Variants in SNX13 observed in about 807,000 individuals in gnomAD.
SNX13 encodes sorting nexin-13.
In SNX13, 45 loss-of-function variants were observed where a neutral mutation model predicts 133.6. That is an observed-to-expected ratio of 0.34 (90% confidence interval 0.27 to 0.43). The LOEUF is 0.43. Ranked by LOEUF, SNX13 falls within the 20% of genes least tolerant of loss-of-function variation. The pLI is 1.00. For synonymous variants in SNX13, 414 were observed against 373.9 expected (o/e 1.11, Z -1.24); for missense variants, 1,032 against 1,145.1 (o/e 0.90, Z 1.43).
At chr7:17,839,386 T>C (rs941141987) in intron 13 of SNX13, among the ~76,000 whole-genome samples, 2 of 151,806 alleles carry the variant, frequency 1.3e-5, no homozygotes, top group African/African-American at 4.8e-5. Context: ...ATTGTCTCTC[T>C]TACCCTTCAA....
chr7:17,927,735 G>C (rs1004932602), intron 1 of SNX13, among the ~76,000 whole-genome samples: 1 of 152,124 alleles, frequency 6.6e-6, no homozygotes, highest in Non-Finnish European at 1.5e-5. Context: ...TGGGCCACAT[G>C]ATAGTACTTA....
chr7:17,879,986 G>A (rs1230032950), intron 5 of SNX13: 1 of 152,182 alleles, frequency 6.6e-6, no homozygotes, highest in Non-Finnish European at 1.5e-5. Flanking sequence ...TAAAAAACTG[G>A]TAATTGGGCA....
chr7:17,928,120 T>G (rs995333349), intron 1 of SNX13, among the ~76,000 whole-genome samples: 1 of 152,194 alleles, frequency 6.6e-6, no homozygotes, highest in African/African-American at 2.4e-5. Context: ...GAAAGCTAGA[T>G]CCTCAATGCA....
chr7:17,899,356 G>A (rs928581071), intron 1 of SNX13: 2 of 151,910 alleles, frequency 1.3e-5, no homozygotes, highest in South Asian at 2.1e-4. Flanking sequence ...TCTTTTACTA[G>A]GTTTGAGAGG....
rs1783486323 is a variant in SNX13 at position 17,790,995 on chromosome 7, C to A, written c.*3050G>T. ...TAAAATGTGCTCTTCATATTTTTTC[C>A]CTTGTAATACAGGAGCCATGCTCCT... On this transcript the variant is annotated 3_prime_UTR_variant, in exon 26 of 26. Transcript: ENST00000428135. 6.6e-6 allele frequency: 1 copy of A among 151,782 alleles called. No individual in the cohort carries two copies. The allele number at this position is 151,782 out of a possible 1,614,324, so 9.4% of individuals were successfully genotyped here. A position where few individuals can be genotyped will look rare whatever the true frequency, so the allele number is the denominator to read the frequency against.
intron 8 of SNX13, among the ~76,000 whole-genome samples, chr7:17,873,132 T>C (rs951928478): frequency 2.0e-5 from 3 of 152,190 alleles, no homozygotes; most frequent in Non-Finnish European, 4.4e-5. Context: ...GCCAGAGACT[T>C]CTGGGGGATT....
intron 13 of SNX13, among the ~76,000 whole-genome samples, chr7:17,836,336 G>A (rs1442797739): frequency 6.6e-6 from 1 of 151,978 alleles, no homozygotes; most frequent in African/African-American, 2.4e-5. Context: ...GGCCCACATG[G>A]CAAAATCCCT....
At chr7:17,853,375 C>T (rs1791476130) in intron 9 of SNX13, among the ~76,000 whole-genome samples, 1 of 152,052 alleles carries the variant, frequency 6.6e-6, no homozygotes, top group Admixed American at 6.6e-5. Context: ...AGGTAATAGA[C>T]TTCGGATGTT....
Position 17,815,422 on chromosome 7 carries a change from A to T in SNX13, c.1954-478T>A, listed in dbSNP as rs1001844444. Reference sequence around the variant, plus strand: ...ACAAAGCAAAACCCCATCTCTACAAAAAAATTTAAAACATTAGCCAGGCAC... The same window carrying T: ...ACAAAGCAAAACCCCATCTCTACAATAAAATTTAAAACATTAGCCAGGCAC... On this transcript the variant is annotated intron_variant, in intron 19 of 25. Coordinates refer to ENST00000428135, the MANE Select transcript of SNX13 (RefSeq NM_015132.5). Among the ~76,000 whole-genome samples the T allele has an allele frequency of 2.0e-5, 3 of 152,272 alleles. No homozygotes were observed. In the East Asian group the frequency reaches 5.8e-4, roughly 29 times the overall value.
intron 13 of SNX13, among the ~76,000 whole-genome samples, chr7:17,839,066 A>T (rs1292267925): frequency 1.3e-5 from 2 of 149,744 alleles, no homozygotes; most frequent in East Asian, 3.9e-4. Flanking sequence ...CATTATTAGA[A>T]TACATGTATG....
At position 17,791,509 on chromosome 7, in the gene SNX13, A is replaced by G. The variant is rs1783536762; in HGVS notation, c.*2536T>C. The G allele has an allele frequency of 6.6e-6, 1 of 151,826 alleles. No homozygotes were observed. Among genetic ancestry groups the G allele is most frequent in the Non-Finnish European group, 1.5e-5 (1 of 67,938 alleles). 9.4% of individuals were successfully genotyped at this position (151,826 alleles called of 1,614,324 possible). ...CCCATCTAAGTGATATATTTAAATAATACAATCAATTTTTTAAGGTGAATA... is the reference window on the plus strand; with the variant it reads ...CCCATCTAAGTGATATATTTAAATAGTACAATCAATTTTTTAAGGTGAATA... On this transcript the variant is annotated 3_prime_UTR_variant, in exon 26 of 26. Coordinates refer to ENST00000428135, the MANE Select transcript of SNX13 (RefSeq NM_015132.5).
At chr7:17,853,486 T>A (rs1450974171) in intron 9 of SNX13, among the ~76,000 whole-genome samples, 1 of 152,176 alleles carries the variant, frequency 6.6e-6, no homozygotes, top group Non-Finnish European at 1.5e-5. Context: ...CAGTGGAAGT[T>A]GACTTCTAAT....
rs892643611 is a variant in SNX13, at chr7:17,833,989, T to G, written c.1597+63A>C. On this transcript the variant is annotated intron_variant, in intron 15 of 25. Transcript: ENST00000428135. ...CATTTTTAACTTATACAAAAGCTCT[T>G]TTGGTAAGCAGAATATATATAAATA... 10 of 1,240,698 alleles carry G rather than the reference T, an allele frequency of 8.1e-6. No homozygotes were observed. The Admixed American group carries it at 2.5e-4, about 31-fold the overall frequency. 76.9% of individuals were successfully genotyped at this position (1,240,698 alleles called of 1,614,324 possible).
intron 1 of SNX13, among the ~76,000 whole-genome samples, chr7:17,938,778 A>G (rs1802410404): frequency 6.6e-6 from 1 of 152,232 alleles, no homozygotes; most frequent in African/African-American, 2.4e-5. Flanking sequence ...AAGTTTAAGG[A>G]AAAGATCATA....
chr7:17,798,634 A>G, intron 24 of SNX13, 56 bp downstream of exon 24: 2 of 1,303,402 alleles, frequency 1.5e-6, no homozygotes, highest in Non-Finnish European at 2.1e-6. Flanking sequence ...TTAATTAGTG[A>G]TAACAATGCT....
intron 1 of SNX13, among the ~76,000 whole-genome samples, chr7:17,900,540 C>T (rs1392992000): frequency 1.3e-5 from 2 of 152,192 alleles, no homozygotes; most frequent in Non-Finnish European, 2.9e-5. Flanking sequence ...GAAGTCCTTC[C>T]CATTCTTCCC....
At chr7:17,869,634 C>A (rs1172259934) in intron 8 of SNX13, among the ~76,000 whole-genome samples, 1 of 152,008 alleles carries the variant, frequency 6.6e-6, no homozygotes, top group African/African-American at 2.4e-5. Flanking sequence ...AACTATTACC[C>A]CCATGATGAA....
At chr7:17,799,780 C>G (rs1201220112) in intron 22 of SNX13, among the ~76,000 whole-genome samples, 2 of 151,506 alleles carry the variant, frequency 1.3e-5, no homozygotes, top group Non-Finnish European at 3.0e-5. Context: ...TATACAACCA[C>G]TAAGGTAAAA....
At chr7:17,884,863 A>G (rs1308668638) in intron 5 of SNX13, among the ~76,000 whole-genome samples, 1 of 152,170 alleles carries the variant, frequency 6.6e-6, no homozygotes, top group Non-Finnish European at 1.5e-5. Context: ...AAGACAGACA[A>G]TAATAACTTA....
Sources: allele counts gnomAD v4.1 joint callset (sites outside exome capture counted in the v4.1 genomes callset), GRCh38; gene constraint gnomAD v4.1.1; transcripts MANE v1.5; gene names NCBI Gene and HGNC (gene_info 2026-07-23, HGNC 2026-07-21).